Variants in AGBL1 observed in about 807,000 individuals in gnomAD.
The protein encoded by AGBL1 is AGBL carboxypeptidase 1, also known as cytosolic carboxypeptidase 4.
In AGBL1, 130 loss-of-function variants were observed where a neutral mutation model predicts 118.9. That is an observed-to-expected ratio of 1.09 (90% CI 0.95 to 1.26). The LOEUF (loss-of-function observed/expected upper bound fraction) is 1.26. Among genes scored for constraint, AGBL1 ranks in the 50% most tolerant of loss-of-function variants. The pLI is 0.00. For missense variants in AGBL1, 1,584 were observed against 1,298.1 expected, an observed-to-expected ratio of 1.22 and a Z score of -3.38; for synonymous variants, 555 against 478.9, an observed-to-expected ratio of 1.16 and a Z score of -2.08.
intron 18 of AGBL1, among the ~76,000 whole-genome samples, chr15:86,496,636 A>G (rs561188660): frequency 4.6e-5 from 7 of 151,952 alleles, no homozygotes; most frequent in Non-Finnish European, 1.0e-4. Flanking sequence ...CTTGGATTAT[A>G]CACTTTTTAA....
At chr15:86,369,756 A>G (rs2080944471) in intron 17 of AGBL1, among the ~76,000 whole-genome samples, 1 of 152,188 alleles carries the variant, frequency 6.6e-6, no homozygotes, top group Non-Finnish European at 1.5e-5. Context: ...TAAATGAGAA[A>G]AAAATTATGG....
chr15:86,944,018 A>T (rs2080786538), intron 23 of AGBL1, among the ~76,000 whole-genome samples: 1 of 152,164 alleles, frequency 6.6e-6, no homozygotes, highest in African/African-American at 2.4e-5. Context: ...TGTGTCAAAA[A>T]AGTATGCCTA....
intron 23 of AGBL1, among the ~76,000 whole-genome samples, chr15:86,961,637 C>A (rs965950827): frequency 1.8e-4 from 28 of 152,034 alleles, no homozygotes; most frequent in Non-Finnish European, 7.4e-5. Context: ...CTCCATTTGG[C>A]AACATTCATT....
At chr15:86,601,375 C>A (rs2084490156) in intron 21 of AGBL1, among the ~76,000 whole-genome samples, 1 of 152,164 alleles carries the variant, frequency 6.6e-6, no homozygotes, top group South Asian at 2.1e-4. Flanking sequence ...GTTGCTTATA[C>A]TAATAATACA....
At chr15:86,224,426 C>G (rs2078327125) in intron 5 of AGBL1, among the ~76,000 whole-genome samples, 1 of 152,144 alleles carries the variant, frequency 6.6e-6, no homozygotes, top group Admixed American at 6.5e-5. Flanking sequence ...CCTCTCTTTG[C>G]AATGTGTGAA....
intron 22 of AGBL1, among the ~76,000 whole-genome samples, chr15:86,735,627 T>C (rs2077582161): frequency 1.3e-5 from 2 of 149,546 alleles, no homozygotes; most frequent in Non-Finnish European, 2.9e-5. Flanking sequence ...TGTGTGTGTG[T>C]GTGTGTGTAT....
chr15:86,839,761 G>C (rs2079219543), intron 22 of AGBL1, among the ~76,000 whole-genome samples: 1 of 152,144 alleles, frequency 6.6e-6, no homozygotes, highest in Non-Finnish European at 1.5e-5. Context: ...GTGAAAAGAA[G>C]AGAGGATTCC....
chr15:86,616,339 CAAAAAAAAAAAAAAA>C (rs199936794), intron 21 of AGBL1, among the ~76,000 whole-genome samples: 3 of 49,306 alleles, frequency 6.1e-5, no homozygotes, highest in African/African-American at 2.1e-4. Context: ...TCCTCCACTT[CAAAAAAAAAAAAAAA>C]AAAAAAAAAA....
chr15:86,221,149 G>T (rs988649385), intron 5 of AGBL1, among the ~76,000 whole-genome samples: 2 of 152,100 alleles, frequency 1.3e-5, no homozygotes, highest in African/African-American at 4.8e-5. Context: ...AGTGAGCTGA[G>T]ATTGTACAAC....
chr15:86,497,169 G>A (rs937785023), intron 18 of AGBL1, among the ~76,000 whole-genome samples: 2 of 151,870 alleles, frequency 1.3e-5, no homozygotes. Flanking sequence ...AAGAAAGTCA[G>A]CTATTTTATA....
intron 1 of AGBL1, among the ~76,000 whole-genome samples, chr15:86,118,105 A>G (rs1897872786): frequency 6.6e-6 from 1 of 152,076 alleles, no homozygotes; most frequent in Admixed American, 6.5e-5. Flanking sequence ...TAATGTTTCT[A>G]CTCAGAAAAT....
At position 86,913,691 on chromosome 15, in the gene AGBL1, C is replaced by G. The variant is rs1010544837; in HGVS notation, c.*6397C>G. The G allele has an allele frequency of 2.6e-5, 4 of 152,102 alleles. No homozygotes were observed. The highest frequency in any genetic ancestry group is 9.7e-5 in the African/African-American group (4 of 41,360). The allele number at this position is 152,102 out of a possible 1,614,324, so 9.4% of individuals were successfully genotyped here. On this transcript the variant is annotated 3_prime_UTR_variant, in exon 23 of 23. Coordinates refer to ENST00000614907, the MANE Select transcript of AGBL1 (RefSeq NM_001386094.1). ...CCAGCCTGGGCAACATAGTTAGACC[C>G]TGAATCTACAAAAAATAAAGAAAAA...
At chr15:86,310,549 A>T (rs2079904793) in intron 17 of AGBL1, among the ~76,000 whole-genome samples, 1 of 151,966 alleles carries the variant, frequency 6.6e-6, no homozygotes, top group South Asian at 2.1e-4. Context: ...CCTGAATCTT[A>T]GTTCTCCAAG....
intron 21 of AGBL1, among the ~76,000 whole-genome samples, chr15:86,641,582 T>C (rs1439758122): frequency 6.6e-6 from 1 of 152,172 alleles, no homozygotes; most frequent in Non-Finnish European, 1.5e-5. Flanking sequence ...ATATATTGTT[T>C]GGTTTTAGTT....
chr15:86,712,565 A>G (rs1317959334), intron 22 of AGBL1, among the ~76,000 whole-genome samples: 2 of 152,294 alleles, frequency 1.3e-5, no homozygotes, highest in East Asian at 3.9e-4. Flanking sequence ...ATTAGTTAAT[A>G]CAGCAGAGAA....
chr15:86,669,210 T>C (rs193223650), intron 21 of AGBL1, among the ~76,000 whole-genome samples: 53 of 152,256 alleles, frequency 3.5e-4, no homozygotes, highest in Non-Finnish European at 3.4e-4. Flanking sequence ...CCAGAAACAC[T>C]GCATATGCAG....
chr15:86,723,684 A>G (rs2142729165), intron 22 of AGBL1, among the ~76,000 whole-genome samples: 1 of 152,298 alleles, frequency 6.6e-6, no homozygotes, highest in East Asian at 1.9e-4. Flanking sequence ...AAGCAAATTG[A>G]TGGATTTGAC....
Position 86,080,013 on chromosome 15 carries a change from A to G in AGBL1, c.41A>G (p.His14Arg). ...QEASGLQVLL[H>R]TLQSSSDKES... ...GCTAGTGGGCTACAGGTCCTGCTGC[A>G]CACGCTTCAGGTAGGAAAGGGTAGA... Residue 14 changes from histidine to arginine, a missense_variant, in exon 1 of 23, where the codon CAC (histidine) becomes CGC (arginine). Transcript: ENST00000614907. The G allele has an allele frequency of 1.6e-6, 2 of 1,232,258 alleles. No individual in the cohort carries two copies. 76.3% of individuals were successfully genotyped at this position (1,232,258 alleles called of 1,614,324 possible).
intron 22 of AGBL1, among the ~76,000 whole-genome samples, chr15:86,800,265 A>G (rs1596492862): frequency 6.6e-6 from 1 of 152,224 alleles, no homozygotes; most frequent in East Asian, 1.9e-4. Flanking sequence ...AGTTTGCAAA[A>G]CCATGCCACA....
Sources: allele counts gnomAD v4.1 joint callset (sites outside exome capture counted in the v4.1 genomes callset), GRCh38; gene constraint gnomAD v4.1.1; transcripts MANE v1.5; gene names NCBI Gene and HGNC (gene_info 2026-07-23, HGNC 2026-07-21).